Variants in PCSK6 observed in about 807,000 individuals in gnomAD.
The protein encoded by PCSK6 is proprotein convertase subtilisin/kexin type 6, also known as paired basic amino acid cleaving enzyme 4.
In PCSK6, 85 loss-of-function variants were observed where a neutral mutation model predicts 123.3. That is an observed-to-expected ratio of 0.69 (90% CI 0.58 to 0.83). PCSK6 has a LOEUF of 0.83. Ranked by LOEUF, PCSK6 falls within the 40% of genes least tolerant of loss-of-function variation. The probability of loss-of-function intolerance (pLI) is 0.00; values close to 1 mark genes in which losing one functional copy is unlikely to be tolerated. For missense variants in PCSK6, 1,191 were observed against 1,282.3 expected (o/e 0.93, Z 1.09); for synonymous variants, 508 against 516.0 (o/e 0.98, Z 0.21).
In PCSK6 at chr15:101,371,704, G is replaced by A. The variant is rs573842078; in HGVS notation, c.1533-1181C>T. On this transcript the variant is annotated intron_variant, in intron 11 of 21. Transcript: ENST00000611716. ...TTGGGGCCCCAGAGCCCACGCCTCT[G>A]CCTCCAGGCCTCACTGCCTCCGCCT... 3.7e-3 allele frequency among the ~76,000 whole-genome samples: 567 copies of A among 151,578 alleles called. 4 individuals are homozygous for A. Among genetic ancestry groups the A allele is most frequent in the African/African-American group, 0.013 (528 of 41,520 alleles).
At chr15:101,380,435 G>C (rs1259122254) in intron 11 of PCSK6, among the ~76,000 whole-genome samples, 2 of 152,174 alleles carry the variant, frequency 1.3e-5, no homozygotes, top group East Asian at 3.9e-4. Flanking sequence ...CCAGGCTGCA[G>C]GCGTTTTCCA....
At chr15:101,390,234 G>A (rs2042187327) in intron 8 of PCSK6, among the ~76,000 whole-genome samples, 1 of 152,294 alleles carries the variant, frequency 6.6e-6, no homozygotes, top group African/African-American at 2.4e-5. Context: ...GGCTGGGTGT[G>A]GGATGGATTC....
At chr15:101,361,119 G>C (rs1307239102) in intron 13 of PCSK6, among the ~76,000 whole-genome samples, 1 of 150,542 alleles carries the variant, frequency 6.6e-6, no homozygotes, top group African/African-American at 2.4e-5. Flanking sequence ...TTTTATTTAA[G>C]ACTTCCGTAT....
chr15:101,371,027 G>T (rs931561550), intron 11 of PCSK6, among the ~76,000 whole-genome samples: 1 of 152,168 alleles, frequency 6.6e-6, no homozygotes, highest in Admixed American at 6.5e-5. Context: ...TGGCCAATAC[G>T]GTGAAACCCT....
chr15:101,311,228 A>G (rs2039854172), intron 20 of PCSK6, among the ~76,000 whole-genome samples: 1 of 151,166 alleles, frequency 6.6e-6, no homozygotes, highest in Admixed American at 6.6e-5. Context: ...CTCCTGCCTC[A>G]GCCTCCTGTA....
At chr15:101,340,088 G>T (rs1295115264) in intron 13 of PCSK6, among the ~76,000 whole-genome samples, 1 of 152,096 alleles carries the variant, frequency 6.6e-6, no homozygotes, top group Non-Finnish European at 1.5e-5. Flanking sequence ...AAGGAATTTA[G>T]GAATGGCTTG....
Position 101,456,878 on chromosome 15 carries a change from A to G in PCSK6, c.298-13218T>C, listed in dbSNP as rs553067919. Among the ~76,000 whole-genome samples the G allele has an allele frequency of 3.9e-5, 6 of 152,300 alleles. No individual in the cohort carries two copies. The East Asian group carries it at 1.2e-3, about 30-fold the overall frequency. On this transcript the variant is annotated intron_variant, in intron 1 of 21. Coordinates refer to ENST00000611716, the MANE Select transcript of PCSK6 (RefSeq NM_002570.5). ...TGACCAAGGACACTCCAGAGGGAGT[A>G]TCAAGATCTCAGCTTGGGCTGGGCA...
chr15:101,435,753 C>T (rs780445770), intron 2 of PCSK6, among the ~76,000 whole-genome samples: 30 of 152,160 alleles, frequency 2.0e-4, no homozygotes, highest in Non-Finnish European at 3.4e-4. Context: ...ATGAGGCATC[C>T]GTTGACTGTC....
chr15:101,406,768 G>T (rs2042793411), intron 6 of PCSK6, among the ~76,000 whole-genome samples: 1 of 152,158 alleles, frequency 6.6e-6, no homozygotes, highest in South Asian at 2.1e-4. Flanking sequence ...CATGAAGTGT[G>T]TGGGGACGCG....
intron 15 of PCSK6, among the ~76,000 whole-genome samples, chr15:101,330,205 GCT>G (rs2040345036): frequency 6.6e-6 from 1 of 152,212 alleles, no homozygotes; most frequent in African/African-American, 2.4e-5. Context: ...CCAGCCAGAT[GCT>G]CTGGTCCTCA....
At chr15:101,362,069 C>G (rs937454581) in intron 13 of PCSK6, among the ~76,000 whole-genome samples, 14 of 148,870 alleles carry the variant, frequency 9.4e-5, no homozygotes, top group South Asian at 4.3e-4. Context: ...CCATTCTCTT[C>G]CCTCAGCCTC....
In PCSK6 at chr15:101,305,204, G is replaced by C; in HGVS notation, c.*54C>G. 7.0e-7 allele frequency: 1 copy of C among 1,426,162 alleles called. No individual in the cohort carries two copies. The highest frequency in any genetic ancestry group is 9.7e-7 in the Non-Finnish European group (1 of 1,030,160). The allele number at this position is 1,426,162 out of a possible 1,614,324, so 88.3% of individuals were successfully genotyped here. The stretch of plus-strand genomic sequence containing the variant: ...GACTCTGGCCGACAGTCTGGAGGAA[G>C]GTGGACGGATGGATGGATGGGAGTG... On this transcript the variant is annotated 3_prime_UTR_variant, in exon 22 of 22. Transcript: ENST00000611716. This position sits in a 1 kb window ranked among gnomAD's most constrained non-coding sequence, Gnocchi z 4.8.
At chr15:101,431,236 G>A in intron 4 of PCSK6, 84 bp downstream of exon 4, 2 of 1,420,858 alleles carry the variant, frequency 1.4e-6, no homozygotes, top group South Asian at 1.2e-5. Context: ...GGGAGATCGG[G>A]ACCTTACTGT....
At chr15:101,486,804 C>G (rs2058030872) in intron 1 of PCSK6, among the ~76,000 whole-genome samples, 1 of 152,228 alleles carries the variant, frequency 6.6e-6, no homozygotes, top group Non-Finnish European at 1.5e-5. Flanking sequence ...AAAACCAGGG[C>G]TGCGATTCAG....
intron 7 of PCSK6, among the ~76,000 whole-genome samples, chr15:101,395,274 C>T (rs527708557): frequency 2.0e-5 from 3 of 152,214 alleles, no homozygotes; most frequent in African/African-American, 2.4e-5. Context: ...CCTGGAGTCA[C>T]CTGGGAACCT....
intron 7 of PCSK6, among the ~76,000 whole-genome samples, chr15:101,396,772 T>C (rs1050287153): frequency 1.3e-5 from 2 of 152,124 alleles, no homozygotes; most frequent in African/African-American, 4.8e-5. Context: ...GGAATGGAGA[T>C]AAAGGAAGCT....
chr15:101,471,039 G>A (rs1006288785), intron 1 of PCSK6, among the ~76,000 whole-genome samples: 2 of 152,098 alleles, frequency 1.3e-5, no homozygotes, highest in Admixed American at 6.5e-5. Context: ...TCTCTCCTCC[G>A]CAGGAAGGTC....
At chr15:101,347,282 A>T (rs899683746) in intron 13 of PCSK6, 3 of 1,232,278 alleles carry the variant, frequency 2.4e-6, no homozygotes, top group Non-Finnish European at 3.0e-6. Flanking sequence ...AATGAAGATT[A>T]GCTCAAAAGA....
chr15:101,386,401 G>T (rs1463042758), intron 9 of PCSK6, among the ~76,000 whole-genome samples: 1 of 152,156 alleles, frequency 6.6e-6, no homozygotes, highest in African/African-American at 2.4e-5. Flanking sequence ...ATTTGTAAAG[G>T]TACAGCTCAG....
Sources: gnomAD v4.1 joint callset for allele counts (sites outside exome capture counted in the v4.1 genomes callset) on GRCh38, gnomAD v4.1.1 for gene constraint, Gnocchi (gnomAD v3.1) non-coding constraint, MANE v1.5 for transcripts, NCBI Gene and HGNC (gene_info 2026-07-23, HGNC 2026-07-21) for gene names.